The following CPNE4 variants were observed in gnomAD, a reference collection of about 807,000 sequenced individuals.
The protein encoded by CPNE4 is copine-4.
In CPNE4, 25 loss-of-function variants were observed where a neutral mutation model predicts 67.9. The ratio of observed to expected loss-of-function variants is 0.37; its 90% CI spans 0.27 to 0.51. The LOEUF (loss-of-function observed/expected upper bound fraction) is 0.51. CPNE4 is among the 20% of genes least tolerant of loss of function. The pLI is 0.93. For missense variants in CPNE4, 464 were observed against 690.8 expected, an observed-to-expected ratio of 0.67 and a Z score of 3.68; for synonymous variants, 242 against 244.9, an observed-to-expected ratio of 0.99 and a Z score of 0.11.
intron 1 of CPNE4, among the ~76,000 whole-genome samples, chr3:131,934,031 A>G (rs2071146470): frequency 6.6e-6 from 1 of 152,222 alleles, no homozygotes; most frequent in African/African-American, 2.4e-5. Flanking sequence ...GCCTACGTTT[A>G]TAGTGTGAGC....
At chr3:131,935,142 C>G (rs1349786989) in intron 1 of CPNE4, among the ~76,000 whole-genome samples, 1 of 152,142 alleles carries the variant, frequency 6.6e-6, no homozygotes, top group East Asian at 1.9e-4. Context: ...CATCCTTCCC[C>G]CATGTGTGAT....
intron 7 of CPNE4, among the ~76,000 whole-genome samples, chr3:131,638,874 A>G (rs2079464357): frequency 6.6e-6 from 1 of 152,170 alleles, no homozygotes; most frequent in Non-Finnish European, 1.5e-5. Flanking sequence ...GGAACCCTCA[A>G]AACGATGCAA....
intron 4 of CPNE4, among the ~76,000 whole-genome samples, chr3:131,698,251 AAAG>A (rs1206171762): frequency 0.022 from 2,659 of 121,672 alleles, 114 homozygotes; most frequent in African/African-American, 0.064. Flanking sequence ...AAAAAAAAAA[AAAG>A]AAAGAAAAGA....
intron 10 of CPNE4, among the ~76,000 whole-genome samples, chr3:131,565,461 G>C (rs1937007060): frequency 6.6e-6 from 1 of 151,956 alleles, no homozygotes; most frequent in Non-Finnish European, 1.5e-5. Flanking sequence ...ATTGGTTCTA[G>C]GAAGGTGCAA....
At chr3:131,601,420 T>C (rs56985674) in intron 7 of CPNE4, among the ~76,000 whole-genome samples, 20,184 of 152,080 alleles carry the variant, frequency 0.13, 1,916 homozygotes, top group African/African-American at 0.26. Flanking sequence ...ATAATAGTGA[T>C]GCAGTGGAGG....
intron 2 of CPNE4, among the ~76,000 whole-genome samples, chr3:131,893,915 GAACA>G (rs1249213642): frequency 6.6e-6 from 1 of 151,086 alleles, no homozygotes; most frequent in African/African-American, 2.4e-5. Context: ...AGAGAAACAA[GAACA>G]AACTAAAGGC....
At chr3:131,944,243 G>T (rs1291952886) in intron 1 of CPNE4, among the ~76,000 whole-genome samples, 1 of 150,538 alleles carries the variant, frequency 6.6e-6, no homozygotes. Flanking sequence ...TTCCAGAAAA[G>T]AATACATGCA....
At chr3:131,874,044 G>T (rs3896910) in intron 2 of CPNE4, among the ~76,000 whole-genome samples, 1 of 151,684 alleles carries the variant, frequency 6.6e-6, no homozygotes, top group Non-Finnish European at 1.5e-5. Context: ...AACTATTTCA[G>T]TGCCTTGGGG....
At chr3:131,831,725 T>A (rs142381158) in intron 2 of CPNE4, among the ~76,000 whole-genome samples, 19 of 152,300 alleles carry the variant, frequency 1.2e-4, no homozygotes, top group Non-Finnish European at 2.5e-4. Context: ...ATATCCAGAT[T>A]TCATGTTTAA....
At chr3:131,635,778 C>A (rs757727026) in intron 7 of CPNE4, among the ~76,000 whole-genome samples, 1 of 152,090 alleles carries the variant, frequency 6.6e-6, no homozygotes, top group Non-Finnish European at 1.5e-5. Flanking sequence ...CTTGCATAGA[C>A]AGTGCAGTGT....
intron 2 of CPNE4, among the ~76,000 whole-genome samples, chr3:131,729,732 G>A (rs1317281368): frequency 6.6e-6 from 1 of 152,182 alleles, no homozygotes; most frequent in Non-Finnish European, 1.5e-5. Flanking sequence ...TGTGTGATAT[G>A]TCTACATACT....
intron 1 of CPNE4, among the ~76,000 whole-genome samples, chr3:131,947,340 A>C (rs1373371468): frequency 6.6e-6 from 1 of 152,040 alleles, no homozygotes; most frequent in Non-Finnish European, 1.5e-5. Flanking sequence ...TTTAGGTTTT[A>C]AACCCCACAT....
intron 5 of CPNE4, among the ~76,000 whole-genome samples, chr3:131,691,876 A>G (rs950362814): frequency 6.6e-6 from 1 of 152,188 alleles, no homozygotes; most frequent in Non-Finnish European, 1.5e-5. Flanking sequence ...GTGTACGCTC[A>G]GAAATTCATA....
intron 1 of CPNE4, among the ~76,000 whole-genome samples, chr3:131,983,806 A>T (rs975042701): frequency 6.6e-6 from 1 of 152,246 alleles, no homozygotes; most frequent in African/African-American, 2.4e-5. Context: ...AGGCAGTTGC[A>T]GCCACTATAT....
At chr3:132,036,219 C>T (rs1001305921), upstream of CPNE4, among the ~76,000 whole-genome samples, 2 of 152,204 alleles carry the variant, frequency 1.3e-5, no homozygotes, top group Non-Finnish European at 2.9e-5. Flanking sequence ...CTTCTCTGTA[C>T]ACTGAAACTA....
intron 2 of CPNE4, among the ~76,000 whole-genome samples, chr3:131,895,941 C>T (rs1200139796): frequency 6.6e-6 from 1 of 151,872 alleles, no homozygotes; most frequent in Non-Finnish European, 1.5e-5. Flanking sequence ...TTATCTAATC[C>T]CCGGCCAGGG....
chr3:131,802,498 G>A (rs1169678927), intron 2 of CPNE4, among the ~76,000 whole-genome samples: 5 of 152,168 alleles, frequency 3.3e-5, no homozygotes, highest in Non-Finnish European at 7.4e-5. Context: ...CATTTTCTGT[G>A]TTATAAAATT....
At chr3:131,703,371 A>G (rs79942579) in intron 3 of CPNE4, among the ~76,000 whole-genome samples, 2,584 of 152,322 alleles carry the variant, frequency 0.017, 42 homozygotes, top group African/African-American at 0.045. Flanking sequence ...CTTAGTATTC[A>G]ACAAAAGGGT....
At chr3:131,621,823 G>C (rs1940482311) in intron 7 of CPNE4, among the ~76,000 whole-genome samples, 1 of 150,126 alleles carries the variant, frequency 6.7e-6, no homozygotes, top group Non-Finnish European at 1.5e-5. Context: ...CCTGAGCAAT[G>C]TGGCAAAACC....
Sources: allele counts gnomAD v4.1 joint callset (sites outside exome capture counted in the v4.1 genomes callset), GRCh38; gene constraint gnomAD v4.1.1; transcripts MANE v1.5; gene names NCBI Gene and HGNC (gene_info 2026-07-23, HGNC 2026-07-21).